RAB33A: variants seen among roughly 807,000 people sequenced by gnomAD.
The protein encoded by RAB33A is RAB33A, member RAS oncogene family, also known as ras-related protein Rab-33A.
A neutral mutation model predicts 12.0 loss-of-function variants in RAB33A; 6 were observed. The ratio of observed to expected loss-of-function variants is 0.50; its 90% CI spans 0.27 to 0.99. The LOEUF is 0.99. Among genes scored for constraint, RAB33A ranks in the 50% least tolerant of loss-of-function variants. The probability of loss-of-function intolerance (pLI) is 0.11; values close to 1 mark genes in which losing one functional copy is unlikely to be tolerated. For missense variants in RAB33A, 109 were observed against 192.0 expected (o/e 0.57, Z 2.55); for synonymous variants, 70 against 82.4 (o/e 0.85, Z 0.81).
the RAB33A span, chrX:130,137,060 T>C: frequency 5.8e-6 from 7 of 1,209,284 alleles, no homozygotes; most frequent in African/African-American, 8.8e-5. Context: ...TGGCAGCATA[T>C]AGAAACAGTC....
At chrX:130,150,481 G>A in the RAB33A span, among the ~76,000 whole-genome samples, 417 of 100,824 alleles carry the variant, frequency 4.1e-3, 1 homozygote, top group African/African-American at 0.014. Context: ...GACTACAGGC[G>A]CCCGCCACTA....
chrX:130,161,513 G>GAAA, the RAB33A span, among the ~76,000 whole-genome samples: 2 of 60,919 alleles, frequency 3.3e-5, no homozygotes, highest in Non-Finnish European at 3.2e-5. Flanking sequence ...TCTGTTTGAA[G>GAAA]AAAAAAAAAA....
upstream of RAB33A, among the ~76,000 whole-genome samples, chrX:130,171,427 C>G (rs1018701039): frequency 8.9e-6 from 1 of 112,286 alleles, no homozygotes; most frequent in Non-Finnish European, 1.9e-5. Flanking sequence ...CGCAGAGTTG[C>G]GTTGCTCCAG....
At chrX:130,150,595 A>G in the RAB33A span, among the ~76,000 whole-genome samples, 3 of 105,339 alleles carry the variant, frequency 2.8e-5, no homozygotes, top group Admixed American at 3.0e-4. Flanking sequence ...TCGGCCTCCC[A>G]AAGTGCTGGG....
chrX:130,142,003 T>C, the RAB33A span, among the ~76,000 whole-genome samples: 1 of 111,931 alleles, frequency 8.9e-6, no homozygotes, highest in South Asian at 3.7e-4. Context: ...GGTTAAGAGC[T>C]TGAGCTTTGG....
At chrX:130,178,387 GGGAGGCCCA>G (rs1348510909) in intron 1 of RAB33A, among the ~76,000 whole-genome samples, 2 of 109,852 alleles carry the variant, frequency 1.8e-5, no homozygotes, top group Admixed American at 1.9e-4. Flanking sequence ...CCAGCACTTT[GGGAGGCCCA>G]GGTGGGCAGA....
chrX:130,129,154 G>C, the RAB33A span, among the ~76,000 whole-genome samples: 1 of 111,340 alleles, frequency 9.0e-6, no homozygotes, highest in Non-Finnish European at 1.9e-5. Flanking sequence ...GGAGTCAAGT[G>C]TTGTGGGCCG....
chrX:130,167,001 A>G (rs1202941063), upstream of RAB33A, among the ~76,000 whole-genome samples: 1 of 112,250 alleles, frequency 8.9e-6, no homozygotes, highest in Non-Finnish European at 1.9e-5. Flanking sequence ...GGTCATTGAA[A>G]TAATATCTGG....
the RAB33A span, among the ~76,000 whole-genome samples, chrX:130,145,312 T>C: frequency 3.8e-3 from 421 of 111,810 alleles, 3 homozygotes; most frequent in Admixed American, 9.1e-3. Flanking sequence ...TACTAGTGCT[T>C]TCCCCAGAAA....
chrX:130,155,918 C>CA, the RAB33A span, among the ~76,000 whole-genome samples: 1 of 112,383 alleles, frequency 8.9e-6, no homozygotes, highest in Non-Finnish European at 1.9e-5. Flanking sequence ...TTTCTCACCT[C>CA]AAACAAACTC....
the RAB33A span, chrX:130,165,621 C>T: frequency 5.0e-6 from 6 of 1,201,202 alleles, no homozygotes; most frequent in African/African-American, 8.7e-5. Context: ...GCTTCTGCTT[C>T]AAAGCACCCG....
At chrX:130,158,251 C>T in the RAB33A span, among the ~76,000 whole-genome samples, 2 of 108,731 alleles carry the variant, frequency 1.8e-5, no homozygotes, top group East Asian at 2.8e-4. Context: ...GCAACGAGAG[C>T]GAAACTCCAT....
the RAB33A span, among the ~76,000 whole-genome samples, chrX:130,116,828 A>G: frequency 8.9e-6 from 1 of 112,165 alleles, no homozygotes; most frequent in Non-Finnish European, 1.9e-5. Flanking sequence ...CATCTGCACC[A>G]CCCTCATAGG....
the RAB33A span, chrX:130,165,800 T>C: frequency 1.6e-5 from 9 of 560,558 alleles, no homozygotes; most frequent in African/African-American, 9.0e-5. Flanking sequence ...CGGGTGGGCA[T>C]TGGACAGAGA....
chrX:130,154,936 T>C, the RAB33A span, among the ~76,000 whole-genome samples: 3 of 112,607 alleles, frequency 2.7e-5, no homozygotes, highest in Non-Finnish European at 5.6e-5. Flanking sequence ...GGATTTGTGA[T>C]CATCATTAGA....
the RAB33A span, chrX:130,138,847 G>A: frequency 1.6e-3 from 749 of 476,165 alleles, 10 homozygotes; most frequent in African/African-American, 0.016. Flanking sequence ...TGTTATTAAT[G>A]CAAATTTATT....
chrX:130,156,600 T>G, the RAB33A span: 5 of 1,209,319 alleles, frequency 4.1e-6, no homozygotes, highest in African/African-American at 8.7e-5. Context: ...CTGGAACAAG[T>G]TGCCTAAGAA....
At chrX:130,111,721 A>C in the RAB33A span, among the ~76,000 whole-genome samples, 2 of 111,532 alleles carry the variant, frequency 1.8e-5, no homozygotes, top group Non-Finnish European at 3.8e-5. Context: ...GCCCATGCCT[A>C]CCTTTCTTCC....
chrX:130,140,881 C>T, the RAB33A span, among the ~76,000 whole-genome samples: 2 of 112,260 alleles, frequency 1.8e-5, no homozygotes, highest in East Asian at 5.6e-4. Flanking sequence ...CTTTGGGAGG[C>T]TGAGGCAGGC....
Sources: allele counts gnomAD v4.1 joint callset (sites outside exome capture counted in the v4.1 genomes callset), GRCh38; gene constraint gnomAD v4.1.1; transcripts MANE v1.5; gene names NCBI Gene and HGNC (gene_info 2026-07-23, HGNC 2026-07-21).